The following CUX1 variants were observed in gnomAD, a reference collection of about 807,000 sequenced individuals.
CUX1 encodes the protein cut like homeobox 1.
Under a neutral mutation model 158.8 loss-of-function variants are expected in CUX1, and 31 were observed. That is an observed-to-expected ratio of 0.20 (90% CI 0.15 to 0.26). The LOEUF is 0.26. Among genes scored for constraint, CUX1 ranks in the 10% least tolerant of loss-of-function variants. The pLI is 1.00. For synonymous variants in CUX1, 879 were observed against 862.1 expected (o/e 1.02, Z -0.34); for missense variants, 1,589 against 2,014.6 (o/e 0.79, Z 4.04).
intron 1 of CUX1, among the ~76,000 whole-genome samples, chr7:101,829,143 G>C (rs1793710786): frequency 6.6e-6 from 1 of 152,046 alleles, no homozygotes; most frequent in Non-Finnish European, 1.5e-5. Flanking sequence ...GGGGTGGGGT[G>C]GGGTGAAGAA....
At chr7:101,843,158 G>C (rs1584732585) in intron 1 of CUX1, among the ~76,000 whole-genome samples, 1 of 152,204 alleles carries the variant, frequency 6.6e-6, no homozygotes, top group Admixed American at 6.5e-5. Context: ...GAGCCACCGT[G>C]CCTGGCCTAT....
chr7:102,158,483 T>C (rs1359774326), intron 8 of CUX1, 77 bp from the exon 9 acceptor site: 14 of 1,477,556 alleles, frequency 9.5e-6, no homozygotes, highest in Non-Finnish European at 1.2e-5. Context: ...AGCCCTGAGC[T>C]AGGAAGCTGT....
In CUX1 at chr7:101,827,822, A is replaced by G. The variant is rs78044878; in HGVS notation, c.30+10153A>G. Among the ~76,000 whole-genome samples, 31 of 152,298 alleles carry G rather than the reference A, an allele frequency of 2.0e-4. No individual in the cohort carries two copies. In the East Asian group the frequency reaches 5.8e-3, roughly 28 times the overall value. Reference sequence around the variant, plus strand: ...TACTAATCAGAATATAGAATGGATCATCATAAAGGTCCTCATTCTCTTTGC... The same window carrying G: ...TACTAATCAGAATATAGAATGGATCGTCATAAAGGTCCTCATTCTCTTTGC... On this transcript the variant is annotated intron_variant, in intron 1 of 23. Coordinates refer to ENST00000292535, the MANE Select transcript of CUX1 (RefSeq NM_181552.4).
chr7:102,125,918 T>C (rs1832588548), intron 8 of CUX1: 1 of 152,118 alleles, frequency 6.6e-6, no homozygotes, highest in Non-Finnish European at 1.5e-5. Context: ...AACCTCCGCC[T>C]CCTGGGTTCA....
intron 8 of CUX1, among the ~76,000 whole-genome samples, chr7:102,147,802 G>T (rs1394740840): frequency 3.3e-5 from 5 of 151,946 alleles, no homozygotes; most frequent in Non-Finnish European, 7.4e-5. Context: ...TTCGAGACCA[G>T]CCTGGCCAAC....
chr7:101,900,449 C>T (rs1367328882), intron 1 of CUX1, among the ~76,000 whole-genome samples: 1 of 151,380 alleles, frequency 6.6e-6, no homozygotes, highest in South Asian at 2.1e-4. Flanking sequence ...AAACCTCACT[C>T]GCTGAATGCG....
At chr7:102,069,487 G>A (rs1243309667) in intron 3 of CUX1, among the ~76,000 whole-genome samples, 7 of 152,290 alleles carry the variant, frequency 4.6e-5, no homozygotes, top group South Asian at 4.1e-4. Flanking sequence ...AGTGGCTCAC[G>A]CCTGTAATCC....
At chr7:102,020,476 A>G (rs925897754) in intron 2 of CUX1, among the ~76,000 whole-genome samples, 4 of 152,258 alleles carry the variant, frequency 2.6e-5, no homozygotes, top group Admixed American at 1.3e-4. Context: ...TACATTGATA[A>G]GGGAAACTTA....
At position 102,115,214 on chromosome 7, in the gene CUX1, A is replaced by G. The variant is rs1171388825; in HGVS notation, c.615A>G (p.Glu205=). 6.2e-7 allele frequency: 1 copy of G among 1,609,844 alleles called. No homozygotes were observed. Among genetic ancestry groups the G allele is most frequent in the Non-Finnish European group, 8.5e-7 (1 of 1,179,080 alleles). ...HKVQSLQTAL[E]KTRTELFDLK... is the part of the protein sequence containing the mutation. ...TAATTCTTTGCCTTTCAGCCCTGGA[A>G]AAAACTCGAACAGAATTATTTGACC... Residue 205 remains glutamate, a synonymous_variant, in exon 8 of 24, where the codon GAA becomes GAG. Transcript: ENST00000292535.
At chr7:101,833,636 C>T (rs1411406044) in intron 1 of CUX1, among the ~76,000 whole-genome samples, 2 of 150,090 alleles carry the variant, frequency 1.3e-5, no homozygotes, top group Non-Finnish European at 3.0e-5. Context: ...ACAGTCACCT[C>T]GGGGCGTGGG....
chr7:102,124,329 C>A (rs1554494449), intron 8 of CUX1, among the ~76,000 whole-genome samples: 1 of 152,218 alleles, frequency 6.6e-6, no homozygotes, highest in African/African-American at 2.4e-5. Flanking sequence ...AATGTCACTG[C>A]TGGGTATTTA....
intron 16 of CUX1, chr7:102,274,376 G>A (rs712839): frequency 0.27 from 368,879 of 1,388,930 alleles, 52,155 homozygotes; most frequent in East Asian, 0.5. Flanking sequence ...GATACCGCCT[G>A]AGAACACAGA....
chr7:101,938,326 C>G (rs1466442061), intron 2 of CUX1, among the ~76,000 whole-genome samples: 1 of 151,998 alleles, frequency 6.6e-6, no homozygotes, highest in Non-Finnish European at 1.5e-5. Flanking sequence ...GTTGGTCTCT[C>G]AAACTCTGGG....
In CUX1 at chr7:102,104,453, A is replaced by C. The variant is rs1830126400; in HGVS notation, c.524A>C (p.Lys175Thr). 1 of 1,613,090 alleles carries C rather than the reference A, an allele frequency of 6.2e-7. No homozygotes were observed. Among genetic ancestry groups the C allele is most frequent in the Non-Finnish European group, 8.5e-7 (1 of 1,179,674 alleles). The change falls in exon 6 of 24, where the codon AAG (lysine) becomes ACG (threonine). Residue 175 changes from lysine (K) to threonine (T), a missense_variant. Coordinates refer to ENST00000292535, the MANE Select transcript of CUX1 (RefSeq NM_181552.4). ...AAGTTACAGAATGACTTTGCAGAAA[A>C]GGAGAGGTGAGCATGACTTCCAGGC... ...EQKLQNDFAE[K>T]ERKLQETQMS...
intron 1 of CUX1, among the ~76,000 whole-genome samples, chr7:101,855,877 CA>C (rs10654821): frequency 1.9e-3 from 210 of 110,956 alleles, no homozygotes; most frequent in African/African-American, 6.7e-3. Context: ...GTTTCCAGCT[CA>C]AAAAAAAAAA....
At chr7:101,820,202 A>G (rs1322454005) in intron 1 of CUX1, among the ~76,000 whole-genome samples, 2 of 152,224 alleles carry the variant, frequency 1.3e-5, no homozygotes, top group Non-Finnish European at 2.9e-5. Context: ...AGAAGTAGAA[A>G]ATCCACATTT....
intron 1 of CUX1, among the ~76,000 whole-genome samples, chr7:101,868,177 C>T (rs1027987048): frequency 2.6e-5 from 4 of 152,212 alleles, no homozygotes; most frequent in Non-Finnish European, 4.4e-5. Context: ...TCACTTGTGC[C>T]TTTAGCTGTT....
At chr7:101,883,499 A>T (rs12539310) in intron 1 of CUX1, among the ~76,000 whole-genome samples, 24,578 of 152,198 alleles carry the variant, frequency 0.16, 3,716 homozygotes, top group East Asian at 0.8. Context: ...AGAGGCTATT[A>T]AGAAATACAG....
At chr7:101,838,347 C>T (rs1386300454) in intron 1 of CUX1, among the ~76,000 whole-genome samples, 1 of 150,106 alleles carries the variant, frequency 6.7e-6, no homozygotes, top group Non-Finnish European at 1.5e-5. Flanking sequence ...CTAGGCTGGT[C>T]TTGAACTCCT....
Sources: gnomAD v4.1 joint callset for allele counts (sites outside exome capture counted in the v4.1 genomes callset) on GRCh38, gnomAD v4.1.1 for gene constraint, MANE v1.5 for transcripts, NCBI Gene and HGNC (gene_info 2026-07-23, HGNC 2026-07-21) for gene names.